NTNG1: variants seen among roughly 807,000 people sequenced by gnomAD.
NTNG1 encodes netrin G1, also known as netrin-G1.
A neutral mutation model predicts 54.0 loss-of-function variants in NTNG1; 16 were observed. The observed-to-expected ratio is 0.30, with a 90% confidence interval of 0.20 to 0.45. The LOEUF (loss-of-function observed/expected upper bound fraction) is 0.45. NTNG1 is among the 20% of genes least tolerant of loss of function. NTNG1 has a pLI of 1.00. For synonymous variants in NTNG1, 255 were observed against 263.1 expected (o/e 0.97, Z 0.30); for missense variants, 530 against 678.7 (o/e 0.78, Z 2.43).
chr1:107,249,030 G>T (rs1417194903), intron 2 of NTNG1, among the ~76,000 whole-genome samples: 1 of 151,160 alleles, frequency 6.6e-6, no homozygotes, highest in Non-Finnish European at 1.5e-5. Flanking sequence ...CATGGTGCAG[G>T]CGCCTGTAAT....
intron 2 of NTNG1, among the ~76,000 whole-genome samples, chr1:107,213,427 A>G (rs530954887): frequency 6.6e-6 from 1 of 152,286 alleles, no homozygotes; most frequent in East Asian, 1.9e-4. Context: ...ATGGGAGTAG[A>G]CAAGAGGGGT....
At chr1:107,292,323 T>C (rs1420050269) in intron 2 of NTNG1, among the ~76,000 whole-genome samples, 1 of 152,000 alleles carries the variant, frequency 6.6e-6, no homozygotes. Flanking sequence ...TGGAGGCAAG[T>C]TTTAGATCAG....
intron 2 of NTNG1, among the ~76,000 whole-genome samples, chr1:107,153,138 G>C (rs538367998): frequency 3.3e-5 from 5 of 152,118 alleles, no homozygotes; most frequent in African/African-American, 1.2e-4. Flanking sequence ...TGGAATTTAC[G>C]GAAGTGGTAC....
chr1:107,393,427 T>C (rs1672486457), intron 3 of NTNG1, among the ~76,000 whole-genome samples: 1 of 152,176 alleles, frequency 6.6e-6, no homozygotes, highest in Admixed American at 6.5e-5. Flanking sequence ...GAGATTATTA[T>C]AGGACCTAGC....
At chr1:107,232,284 TCC>T (rs888250140) in intron 2 of NTNG1, among the ~76,000 whole-genome samples, 1 of 152,202 alleles carries the variant, frequency 6.6e-6, no homozygotes, top group Non-Finnish European at 1.5e-5. Flanking sequence ...GGTGAAATAT[TCC>T]AACAAAGTAT....
At chr1:107,471,590 A>T (rs552976753) in intron 7 of NTNG1, among the ~76,000 whole-genome samples, 15 of 152,184 alleles carry the variant, frequency 9.9e-5, no homozygotes, top group Non-Finnish European at 1.9e-4. Context: ...TGCACATTGA[A>T]TGAGAATATA....
intron 2 of NTNG1, among the ~76,000 whole-genome samples, chr1:107,169,938 G>T (rs1039256524): frequency 5.9e-5 from 9 of 152,192 alleles, no homozygotes; most frequent in African/African-American, 1.9e-4. Flanking sequence ...GACTAAAGCT[G>T]CTGTCCACAG....
At chr1:107,439,043 T>C (rs1179801273) in intron 7 of NTNG1, among the ~76,000 whole-genome samples, 1 of 152,162 alleles carries the variant, frequency 6.6e-6, no homozygotes, top group Non-Finnish European at 1.5e-5. Flanking sequence ...AGAGCTACTG[T>C]GGACATGTGG....
chr1:107,288,035 A>G, intron 2 of NTNG1, among the ~76,000 whole-genome samples: 1 of 152,168 alleles, frequency 6.6e-6, no homozygotes, highest in South Asian at 2.1e-4. Flanking sequence ...CATGAAGGAC[A>G]GAGTGAGTGA....
At chr1:107,178,097 T>C (rs1656783557) in intron 2 of NTNG1, among the ~76,000 whole-genome samples, 1 of 152,148 alleles carries the variant, frequency 6.6e-6, no homozygotes, top group Non-Finnish European at 1.5e-5. Flanking sequence ...TGCAACTAAG[T>C]CTTATGTCCT....
Position 107,395,326 on chromosome 1 carries a change from T to C in NTNG1, c.1060T>C (p.Cys354Arg). ...LPIPKGTANT[C>R]IPSISSIGNC... is the part of the protein sequence containing the mutation. ...CATCCCCAAAGGCACTGCAAATACCTGTGAGTAACTTTGCTTGGTAACAGC... is the reference window on the plus strand; with the variant it reads ...CATCCCCAAAGGCACTGCAAATACCCGTGAGTAACTTTGCTTGGTAACAGC... Residue 354 changes from cysteine (C) to arginine (R), a missense_variant and splice_region_variant, in exon 4 of 8, where the codon TGT (cysteine) becomes CGT (arginine). This residue lies in a region of NTNG1 where 318 missense variants were observed against 465.1 expected (regional missense o/e 0.68). Coordinates refer to ENST00000370068, the MANE Select transcript of NTNG1 (RefSeq NM_001113226.3). The C allele has an allele frequency of 6.2e-7, 1 of 1,612,628 alleles. No individual in the cohort carries two copies. Among genetic ancestry groups the C allele is most frequent in the Non-Finnish European group, 8.5e-7 (1 of 1,178,860 alleles).
At chr1:107,230,096 A>G (rs1248464904) in intron 2 of NTNG1, among the ~76,000 whole-genome samples, 1 of 152,204 alleles carries the variant, frequency 6.6e-6, no homozygotes, top group Non-Finnish European at 1.5e-5. Context: ...AGTATTAAAT[A>G]TATAAATGAT....
chr1:107,323,818 C>T (rs1570677811), intron 2 of NTNG1, among the ~76,000 whole-genome samples: 2 of 152,072 alleles, frequency 1.3e-5, no homozygotes, highest in African/African-American at 4.8e-5. Flanking sequence ...TATTGTCTCC[C>T]CTACAGAACA....
At chr1:107,255,234 A>T (rs759299784) in intron 2 of NTNG1, among the ~76,000 whole-genome samples, 2 of 152,212 alleles carry the variant, frequency 1.3e-5, no homozygotes, top group Non-Finnish European at 2.9e-5. Context: ...ACAAACATAA[A>T]ATGTTTTTAG....
chr1:107,174,441 C>CT (rs1341935270), intron 2 of NTNG1, among the ~76,000 whole-genome samples: 1 of 152,046 alleles, frequency 6.6e-6, no homozygotes, highest in Non-Finnish European at 1.5e-5. Context: ...CTCCCTCCTT[C>CT]TGCCCTGATC....
intron 2 of NTNG1, among the ~76,000 whole-genome samples, chr1:107,164,632 G>A (rs2101066131): frequency 6.6e-6 from 1 of 152,302 alleles, no homozygotes; most frequent in Non-Finnish European, 1.5e-5. Context: ...ATGAGAGTAT[G>A]TAATCTTAAT....
chr1:107,208,152 G>A (rs184786185), intron 2 of NTNG1, among the ~76,000 whole-genome samples: 314 of 152,146 alleles, frequency 2.1e-3, no homozygotes, highest in African/African-American at 6.8e-3. Context: ...GAGGGAGGGT[G>A]GGCATGGTGG....
At chr1:107,238,055 G>A (rs1348055949) in intron 2 of NTNG1, among the ~76,000 whole-genome samples, 3 of 152,130 alleles carry the variant, frequency 2.0e-5, no homozygotes, top group South Asian at 2.1e-4. Flanking sequence ...AGCTGCAGAC[G>A]CTCAACACCA....
rs189958912 is a variant in NTNG1, at chr1:107,204,093, T to C, written c.246+55254T>C. 1.2e-3 allele frequency among the ~76,000 whole-genome samples: 184 copies of C among 152,224 alleles called. 2 individuals carry two copies. The highest frequency in any genetic ancestry group is 6.8e-3 in the Middle Eastern group (2 of 294). On this transcript the variant is annotated intron_variant, in intron 2 of 7. Coordinates refer to ENST00000370068, the MANE Select transcript of NTNG1 (RefSeq NM_001113226.3). ...TATCTTTTTGAAAATCCTTAAGGTT[T>C]TTATACTGAAGTTGTTACCAAGATG...
Sources: gnomAD v4.1 joint callset for allele counts (sites outside exome capture counted in the v4.1 genomes callset) on GRCh38, gnomAD v4.1.1 for gene constraint, gnomAD v4.1.1 regional missense constraint, MANE v1.5 for transcripts, NCBI Gene and HGNC (gene_info 2026-07-23, HGNC 2026-07-21) for gene names.